MRPS31: variants seen among roughly 807,000 people sequenced by gnomAD.
MRPS31 encodes the protein mitochondrial ribosomal protein S31.
A neutral mutation model predicts 43.1 loss-of-function variants in MRPS31; 32 were observed. That is an observed-to-expected ratio of 0.74 (90% confidence interval 0.56 to 1.00). The LOEUF is 1.00. MRPS31 is among the 50% of genes least tolerant of loss of function. The pLI is 0.00. For synonymous variants in MRPS31, 165 were observed against 161.6 expected (o/e 1.02, Z -0.16); for missense variants, 437 against 466.7 (o/e 0.94, Z 0.59).
rs186856166 is a variant in MRPS31, at chr13:40,764,633, G to A, written c.440+2113C>T. On this transcript the variant is annotated intron_variant, in intron 2 of 6. Transcript: ENST00000323563. ...TGGCTCACTTTCTCTTGAGACACCCGCCCTGGAACCCAGCCACCATGCAGG... is the reference window on the plus strand; with the variant it reads ...TGGCTCACTTTCTCTTGAGACACCCACCCTGGAACCCAGCCACCATGCAGG... Among the ~76,000 whole-genome samples, 8 of 152,160 alleles carry A rather than the reference G, an allele frequency of 5.3e-5. No homozygotes were observed. The East Asian group carries it at 7.7e-4, about 15-fold the overall frequency.
intron 6 of MRPS31, among the ~76,000 whole-genome samples, chr13:40,744,679 T>C (rs989333802): frequency 6.6e-6 from 1 of 152,008 alleles, no homozygotes; most frequent in African/African-American, 2.4e-5. Flanking sequence ...CTATTCACAA[T>C]AGCAAAGACA....
chr13:40,763,563 T>C (rs552426428), intron 2 of MRPS31, among the ~76,000 whole-genome samples: 57 of 152,118 alleles, frequency 3.7e-4, no homozygotes, highest in Non-Finnish European at 5.9e-4. Flanking sequence ...TTGCCTATAG[T>C]ATAGCTGAAA....
At position 40,763,633 on chromosome 13, in the gene MRPS31, T is replaced by A. The variant is rs190288312; in HGVS notation, c.440+3113A>T. Among the ~76,000 whole-genome samples the A allele has an allele frequency of 5.3e-5, 8 of 152,306 alleles. No individual in the cohort carries two copies. In the East Asian group the frequency reaches 1.2e-3, roughly 22 times the overall value. On this transcript the variant is annotated intron_variant, in intron 2 of 6. Transcript: ENST00000323563. ...AGCAGATTATACTTTCAGAAAATAG[T>A]GACAGCATTACTTCTGGTTCCACAT...
chr13:40,770,966 G>A lies in MRPS31; in HGVS notation c.152+19C>T. ...CGGAGGATGTACAGGACGGGGCACGGGGTTGCCTGAGGACCTACCGGGCCA... is the reference window on the plus strand; with the variant it reads ...CGGAGGATGTACAGGACGGGGCACGAGGTTGCCTGAGGACCTACCGGGCCA... On this transcript the variant is annotated intron_variant, in intron 1 of 6. Coordinates refer to ENST00000323563, the MANE Select transcript of MRPS31 (RefSeq NM_005830.4). The A allele has an allele frequency of 1.9e-6, 3 of 1,614,036 alleles. No homozygotes were observed. The highest frequency in any genetic ancestry group is 2.5e-6 in the Non-Finnish European group (3 of 1,179,982).
chr13:40,769,824 T>C (rs888277429), intron 1 of MRPS31, among the ~76,000 whole-genome samples: 3 of 152,162 alleles, frequency 2.0e-5, no homozygotes, highest in East Asian at 3.8e-4. Flanking sequence ...CACGTCTAAG[T>C]AACTCCCTAG....
At chr13:40,730,580 G>GAT (rs1352841855) in intron 6 of MRPS31, among the ~76,000 whole-genome samples, 18 of 152,036 alleles carry the variant, frequency 1.2e-4, no homozygotes, top group African/African-American at 4.3e-4. Context: ...TTTCTTTTGA[G>GAT]ATAGAGTTTC....
At chr13:40,735,345 G>A (rs1244113553) in intron 6 of MRPS31, among the ~76,000 whole-genome samples, 2 of 152,226 alleles carry the variant, frequency 1.3e-5, no homozygotes, top group African/African-American at 4.8e-5. Flanking sequence ...GCGGCAGTGA[G>A]GCTGCGGGAG....
At chr13:40,746,576 G>A (rs1224043289) in intron 6 of MRPS31, among the ~76,000 whole-genome samples, 2 of 151,996 alleles carry the variant, frequency 1.3e-5, no homozygotes, top group South Asian at 4.2e-4. Context: ...TCAGAAACCA[G>A]GTCAAATTTA....
chr13:40,736,777 G>A (rs1181189395), intron 6 of MRPS31, among the ~76,000 whole-genome samples: 1 of 147,922 alleles, frequency 6.8e-6, no homozygotes, highest in African/African-American at 2.5e-5. Flanking sequence ...AGCTCCTGAA[G>A]GAAGCGCTAA....
intron 2 of MRPS31, among the ~76,000 whole-genome samples, chr13:40,762,807 TG>T: frequency 6.9e-6 from 1 of 144,814 alleles, no homozygotes; most frequent in Admixed American, 6.8e-5. Flanking sequence ...TGTGTGTGTG[TG>T]TGTGTGTGTG....
chr13:40,753,012 T>C lies in MRPS31; in HGVS notation c.814+1007A>G, dbSNP rs113083425. Among the ~76,000 whole-genome samples, 489 of 152,104 alleles carry C rather than the reference T, an allele frequency of 3.2e-3. 5 individuals are homozygous for C. The highest frequency in any genetic ancestry group is 0.011 in the African/African-American group (464 of 41,466). On this transcript the variant is annotated intron_variant, in intron 5 of 6. Coordinates refer to ENST00000323563, the MANE Select transcript of MRPS31 (RefSeq NM_005830.4). ...AGCCTCCCAAGTCCACATACAACAT[T>C]GTTTCTACCAATATCCAAAAAACTA...
intron 6 of MRPS31, among the ~76,000 whole-genome samples, chr13:40,737,269 C>A (rs1304555174): frequency 6.6e-6 from 1 of 152,006 alleles, no homozygotes; most frequent in Non-Finnish European, 1.5e-5. Flanking sequence ...CAGGAGCACC[C>A]AGATTCATAA....
rs562626146 is a variant in MRPS31 at position 40,758,664 on chromosome 13, C to A, written c.599+284G>T. On this transcript the variant is annotated intron_variant, in intron 3 of 6. Coordinates refer to ENST00000323563, the MANE Select transcript of MRPS31 (RefSeq NM_005830.4). The stretch of plus-strand genomic sequence containing the variant: ...CTTTTCTCAGAGAAGCTACTTTATT[C>A]TGTTATTTATTTTTAATAACATTAT... 2.0e-4 allele frequency among the ~76,000 whole-genome samples: 30 copies of A among 152,208 alleles called. No homozygotes were observed. The East Asian group carries it at 5.4e-3, about 27-fold the overall frequency.
chr13:40,755,000 C>T (rs1880491663), intron 4 of MRPS31, among the ~76,000 whole-genome samples: 2 of 152,238 alleles, frequency 1.3e-5, no homozygotes, highest in African/African-American at 4.8e-5. Flanking sequence ...TGCCACTACA[C>T]TCCAGGCTGG....
intron 1 of MRPS31, among the ~76,000 whole-genome samples, chr13:40,769,539 G>C (rs1004291478): frequency 6.6e-6 from 1 of 151,160 alleles, no homozygotes; most frequent in Admixed American, 6.6e-5. Context: ...AAACGTCAGA[G>C]GCTATCAAAT....
chr13:40,745,933 C>T (rs1051499269), intron 6 of MRPS31, among the ~76,000 whole-genome samples: 10 of 152,126 alleles, frequency 6.6e-5, no homozygotes, highest in East Asian at 1.9e-4. Context: ...CACCTAATAG[C>T]GCTTGTAAAT....
At chr13:40,753,427 G>A (rs757776653) in intron 5 of MRPS31, among the ~76,000 whole-genome samples, 24 of 152,150 alleles carry the variant, frequency 1.6e-4, no homozygotes, top group Non-Finnish European at 2.5e-4. Context: ...TTCGGTAATC[G>A]GTAGTACTTA....
intron 6 of MRPS31, among the ~76,000 whole-genome samples, chr13:40,744,759 C>T (rs1037987019): frequency 3.3e-5 from 5 of 151,926 alleles, no homozygotes; most frequent in Non-Finnish European, 7.4e-5. Flanking sequence ...GGATTACAGG[C>T]CCCGCCATCA....
Position 40,747,698 on chromosome 13 carries a change from C to G in MRPS31, c.958+1440G>C, listed in dbSNP as rs551896864. Among the ~76,000 whole-genome samples the G allele has an allele frequency of 1.0e-3, 156 of 152,128 alleles. 2 individuals carry two copies. The highest frequency in any genetic ancestry group is 1.1e-3 in the Non-Finnish European group (73 of 67,996). On this transcript the variant is annotated intron_variant, in intron 6 of 6. Coordinates refer to ENST00000323563, the MANE Select transcript of MRPS31 (RefSeq NM_005830.4). ...TTTGAGACCAGCCTGGCCAACACTG[C>G]AAAACCCCATCTCTACTAAAAATAC...
Sources: gnomAD v4.1 joint callset for allele counts (sites outside exome capture counted in the v4.1 genomes callset) on GRCh38, gnomAD v4.1.1 for gene constraint, MANE v1.5 for transcripts, NCBI Gene and HGNC (gene_info 2026-07-23, HGNC 2026-07-21) for gene names.